Variants in PM20D1 observed in about 807,000 individuals in gnomAD.
The protein encoded by PM20D1 is N-fatty-acyl-amino acid synthase/hydrolase PM20D1.
In PM20D1, 53 loss-of-function variants were observed where a neutral mutation model predicts 53.8. That is an observed-to-expected ratio of 0.98 (90% CI 0.79 to 1.24). The LOEUF is 1.24. Ranked by LOEUF, PM20D1 falls within the 50% of genes most tolerant of loss-of-function variation. The pLI is 0.00. For synonymous variants in PM20D1, 239 were observed against 241.3 expected (o/e 0.99, Z 0.09); for missense variants, 564 against 616.8 (o/e 0.91, Z 0.91).
intron 11 of PM20D1, among the ~76,000 whole-genome samples, chr1:205,831,917 G>T (rs1376259768): frequency 6.6e-6 from 1 of 152,154 alleles, no homozygotes; most frequent in Non-Finnish European, 1.5e-5. Context: ...TCAAACTATA[G>T]TTAGTCATCA....
intron 11 of PM20D1, among the ~76,000 whole-genome samples, chr1:205,831,807 C>T (rs543801826): frequency 4.6e-5 from 7 of 152,220 alleles, no homozygotes; most frequent in East Asian, 1.9e-4. Flanking sequence ...CATGATCCAC[C>T]CGCCTCTGCC....
chr1:205,845,903 C>T (rs554409766), intron 2 of PM20D1, among the ~76,000 whole-genome samples: 2 of 150,780 alleles, frequency 1.3e-5, no homozygotes, highest in Non-Finnish European at 1.5e-5. Context: ...GCCAACATGG[C>T]GAAACCCTGT....
chr1:205,838,287 G>T (rs1248201709), intron 10 of PM20D1, among the ~76,000 whole-genome samples: 2 of 152,044 alleles, frequency 1.3e-5, no homozygotes, highest in Non-Finnish European at 1.5e-5. Flanking sequence ...TTTACCTTTT[G>T]AATTCCTTTT....
chr1:205,848,005 A>G (rs765826685), intron 1 of PM20D1, 34 bp from the exon 2 acceptor site: 2 of 1,587,938 alleles, frequency 1.3e-6, no homozygotes, highest in East Asian at 4.5e-5. Flanking sequence ...AAGATTGAAA[A>G]TGAATTAGTC....
intron 11 of PM20D1, among the ~76,000 whole-genome samples, chr1:205,831,598 C>T (rs1253450941): frequency 7.0e-6 from 1 of 143,684 alleles, no homozygotes; most frequent in Non-Finnish European, 1.5e-5. Flanking sequence ...GAGTCTTGCT[C>T]TGTCACCCAG....
intron 1 of PM20D1, among the ~76,000 whole-genome samples, chr1:205,848,621 AAGACTTTAC>A (rs1199603002): frequency 6.6e-6 from 1 of 152,206 alleles, no homozygotes; most frequent in African/African-American, 2.4e-5. Flanking sequence ...TTGAGTCTTT[AAGACTTTAC>A]AGTTTTAAAG....
At position 205,842,326 on chromosome 1, in the gene PM20D1, G is replaced by A. The variant is rs1656831222; in HGVS notation, c.904-111C>T. 5.2e-6 allele frequency: 5 copies of A among 959,926 alleles called. No individual in the cohort carries two copies. In the South Asian group the frequency reaches 6.7e-5, roughly 13 times the overall value. The allele number at this position is 959,926 out of a possible 1,614,324, so 59.5% of individuals were successfully genotyped here. On this transcript the variant is annotated intron_variant, in intron 7 of 12. Transcript: ENST00000367136. The stretch of plus-strand genomic sequence containing the variant: ...TGCCTCAGGGGCCCTTAGCAGTCAG[G>A]AGTGCTGCTAAATTCAGTTAGCTCA...
chr1:205,834,867 G>C (rs577770177), intron 10 of PM20D1, among the ~76,000 whole-genome samples: 1 of 151,982 alleles, frequency 6.6e-6, no homozygotes, highest in South Asian at 2.1e-4. Context: ...GGCAGGGACT[G>C]TGTCTGACTC....
At chr1:205,837,660 G>A (rs969253883) in intron 10 of PM20D1, among the ~76,000 whole-genome samples, 9 of 152,166 alleles carry the variant, frequency 5.9e-5, no homozygotes, top group African/African-American at 2.2e-4. Flanking sequence ...TCTGAATATG[G>A]AGGCTTTCCA....
chr1:205,848,019 GT>G (rs779318398), intron 1 of PM20D1, 48 bp from the exon 2 acceptor site: 215 of 1,565,384 alleles, frequency 1.4e-4, no homozygotes, highest in Admixed American at 2.7e-4. Flanking sequence ...ATTAGTCATT[GT>G]TTTTTTCTAC....
intron 2 of PM20D1, among the ~76,000 whole-genome samples, chr1:205,846,231 C>G (rs770997545): frequency 6.6e-6 from 1 of 151,932 alleles, no homozygotes; most frequent in Non-Finnish European, 1.5e-5. Flanking sequence ...ACTAAAAATA[C>G]AAAAAACAGC....
chr1:205,846,681 C>T (rs1425456006), intron 2 of PM20D1, among the ~76,000 whole-genome samples: 2 of 152,154 alleles, frequency 1.3e-5, no homozygotes, highest in Non-Finnish European at 2.9e-5. Context: ...TTCTGTTTAG[C>T]ACAAGGTCGT....
chr1:205,842,801 C>T, intron 6 of PM20D1, 50 bp from the exon 7 acceptor site: 1 of 1,568,348 alleles, frequency 6.4e-7, no homozygotes, highest in Non-Finnish European at 8.8e-7. Context: ...AGCCAAAGAT[C>T]AGTGGCTTGA....
At chr1:205,836,149 C>A (rs911326622) in intron 10 of PM20D1, among the ~76,000 whole-genome samples, 3 of 152,198 alleles carry the variant, frequency 2.0e-5, no homozygotes, top group African/African-American at 7.2e-5. Flanking sequence ...GCTGGGATTA[C>A]AGGCGTGAGC....
At position 205,849,918 on chromosome 1, in the gene PM20D1, T is replaced by G; in HGVS notation, c.155A>C (p.Lys52Thr). 6.2e-7 allele frequency: 1 copy of G among 1,612,722 alleles called. No homozygotes were observed. Among genetic ancestry groups the G allele is most frequent in the Non-Finnish European group, 8.5e-7 (1 of 1,179,026 alleles). Reference sequence around the variant, plus strand: ...CCCGGGTTCACCTTTCAGCGCCTCTTTCATCGCGACGCGTTCCTCTTTGCT... The same window carrying G: ...CCCGGGTTCACCTTTCAGCGCCTCTGTCATCGCGACGCGTTCCTCTTTGCT... ...QFSKEERVAMKEALKGAIQIP... is the reference protein window; with the variant it reads ...QFSKEERVAMTEALKGAIQIP... Residue 52 changes from lysine to threonine, a missense_variant, in exon 1 of 13, where the codon AAA becomes ACA. By Grantham distance (78) the Lys-to-Thr change is moderately conservative. Transcript: ENST00000367136.
rs1656930407 is a variant in PM20D1, at chr1:205,845,410, C to T, written c.404G>A (p.Gly135Asp). The change falls in exon 3 of 13, where the codon GGC becomes GAC. Residue 135 changes from glycine to aspartate, a missense_variant. Gly to Asp is a moderately conservative substitution (Grantham distance 94). Transcript: ENST00000367136. ...HFDVVPAPEE[G>D]WEVPPFSGLE... is the part of the protein sequence containing the mutation. ...CCCAGAGAATGGGGGCACCTCCCAG[C>T]CTTCTTCAGGGGCAGGCACCACATC... The T allele has an allele frequency of 6.2e-7, 1 of 1,614,100 alleles. No homozygotes were observed. The highest frequency in any genetic ancestry group is 1.3e-5 in the African/African-American group (1 of 74,928).
chr1:205,832,437 C>T (rs532974518), intron 11 of PM20D1, among the ~76,000 whole-genome samples, 161 bp downstream of exon 11: 1 of 151,524 alleles, frequency 6.6e-6, no homozygotes, highest in East Asian at 1.9e-4. Context: ...TGCGTTCTCA[C>T]TTCCACTCTG....
chr1:205,849,798 G>T, intron 1 of PM20D1, 106 bp downstream of exon 1: 1 of 1,416,912 alleles, frequency 7.1e-7, no homozygotes, highest in Non-Finnish European at 9.5e-7. Flanking sequence ...CGGGGCTCCA[G>T]CTGCAGTAGC....
rs1418276320 is a variant in PM20D1, at chr1:205,847,176, T to C, written c.256+709A>G. On this transcript the variant is annotated intron_variant, in intron 2 of 12. Transcript: ENST00000367136. ...GACTACAGGTGCTCGCCACCATGCA[T>C]GGCTAATCCCAGAGCCATTTGTCCC... 7.4e-5 allele frequency among the ~76,000 whole-genome samples: 9 copies of C among 122,218 alleles called. No homozygotes were observed. The Admixed American group carries it at 8.0e-4, about 11-fold the overall frequency. 80.2% of individuals were successfully genotyped at this position (122,218 alleles called of 152,430 possible). A position where few individuals can be genotyped will look rare whatever the true frequency, so the allele number is the denominator to read the frequency against.
Sources: allele counts gnomAD v4.1 joint callset (sites outside exome capture counted in the v4.1 genomes callset), GRCh38; gene constraint gnomAD v4.1.1; transcripts MANE v1.5; gene names NCBI Gene and HGNC (gene_info 2026-07-23, HGNC 2026-07-21).